ARAP3: variants seen among roughly 807,000 people sequenced by gnomAD.
The protein encoded by ARAP3 is arf-GAP with Rho-GAP domain, ANK repeat and PH domain-containing protein 3.
Under a neutral mutation model 169.2 loss-of-function variants are expected in ARAP3, and 82 were observed. The ratio of observed to expected loss-of-function variants is 0.48; its 90% CI spans 0.41 to 0.58. ARAP3 has a LOEUF of 0.58. ARAP3 is among the 20% of genes least tolerant of loss of function. The pLI is 0.00. For synonymous variants in ARAP3, 791 were observed against 800.3 expected (o/e 0.99, Z 0.20); for missense variants, 1,764 against 2,018.0 (o/e 0.87, Z 2.41).
chr5:141,658,748 T>TTTTTAATGATA, intron 23 of ARAP3, 95 bp from the exon 24 acceptor site: 1 of 1,138,720 alleles, frequency 8.8e-7, no homozygotes, highest in East Asian at 2.6e-5. Flanking sequence ...AAGTGACTCT[T>TTTTTAATGATA]CCAACAAAGG....
At chr5:141,661,937 C>A in intron 20 of ARAP3, 106 bp downstream of exon 20, 1 of 1,525,218 alleles carries the variant, frequency 6.6e-7, no homozygotes, top group South Asian at 1.2e-5. Flanking sequence ...CTGGATGATC[C>A]CCCAGGGTGG....
rs781111494 is a variant in ARAP3 at position 141,662,216 on chromosome 5, C to A, written c.2840G>T (p.Arg947Leu). Residue 947 changes from arginine to leucine, a missense_variant, in exon 20 of 33, where the codon CGT becomes CTT. Physicochemically the swap from Arg to Leu is moderately radical, Grantham distance 102. Around this residue, in one of 3 missense-constraint regions of ARAP3, gnomAD observed 1,112 missense variants for 1,285.7 expected, o/e 0.86. Transcript: ENST00000239440. ...LEGVYRKGGA[R>L]ARSLRLLAEF... ...AGCCAGGAGTCTCAGGCTGCGGGCACGAGCGCCCCCTTTCCGGTATACACC... is the reference window on the plus strand; with the variant it reads ...AGCCAGGAGTCTCAGGCTGCGGGCAAGAGCGCCCCCTTTCCGGTATACACC... 1.9e-6 allele frequency: 3 copies of A among 1,614,176 alleles called. No individual in the cohort carries two copies. Among genetic ancestry groups the A allele is most frequent in the Non-Finnish European group, 2.5e-6 (3 of 1,180,032 alleles).
chr5:141,672,341 T>C lies in ARAP3; in HGVS notation c.1386-40A>G, dbSNP rs746547386. ...GCCAGTCCATGGGCATGGACCTACC[T>C]GCCATGTCCCATCCCCCTGGCTCTT... On this transcript the variant is annotated intron_variant, in intron 9 of 32. Transcript: ENST00000239440. This position sits in a 1 kb window ranked among gnomAD's most constrained non-coding sequence, Gnocchi z 4.9. The C allele has an allele frequency of 6.2e-6, 10 of 1,606,498 alleles. No individual in the cohort carries two copies. The Admixed American group carries it at 1.2e-4, about 19-fold the overall frequency.
At chr5:141,662,392 T>C (rs1382534971) in intron 19 of ARAP3, 137 bp from the exon 20 acceptor site, 9 of 796,916 alleles carry the variant, frequency 1.1e-5, no homozygotes, top group Non-Finnish European at 1.8e-5. Flanking sequence ...TATGCCTCCA[T>C]GTTCTTGATT....
At chr5:141,676,658 A>G (rs985159746) in intron 4 of ARAP3, among the ~76,000 whole-genome samples, 1 of 152,124 alleles carries the variant, frequency 6.6e-6, no homozygotes, top group Non-Finnish European at 1.5e-5. Flanking sequence ...CTCCTATGAC[A>G]TCACATTCTC....
chr5:141,659,913 C>T lies in ARAP3; in HGVS notation c.3133G>A (p.Ala1045Thr), dbSNP rs1455237909. 3 of 1,565,104 alleles carry T rather than the reference C, an allele frequency of 1.9e-6. No individual in the cohort carries two copies. The highest frequency in any genetic ancestry group is 2.6e-6 in the Non-Finnish European group (3 of 1,153,460). ...IGHLYRVQKC[A>T]ALNQMCTRNL... ...CGCGTGCACATCTGGTTTAGAGCCG[C>T]ACATTTCTGCACCCTGCAGAGGGGT... Residue 1045 changes from alanine to threonine, a missense_variant, in exon 22 of 33, where the codon GCG becomes ACG. This residue lies in a region of ARAP3 where 1,112 missense variants were observed against 1,285.7 expected (regional missense o/e 0.86). Coordinates refer to ENST00000239440, the MANE Select transcript of ARAP3 (RefSeq NM_022481.6).
Position 141,673,696 on chromosome 5 carries a change from C to A in ARAP3, c.811G>T (p.Asp271Tyr), listed in dbSNP as rs760092314. Residue 271 changes from aspartate to tyrosine, a missense_variant, in exon 5 of 33, where the codon GAC becomes TAC. Around this residue, in one of 3 missense-constraint regions of ARAP3, gnomAD observed 630 missense variants for 678.7 expected, o/e 0.93. Transcript: ENST00000239440. ...PTLETEETSD[D>Y]LISPYASFSF... ...AAGCTGGCATAGGGTGAAATGAGGT[C>A]ATCACTGGTCTCCTCTGTTTCCAGG... is the stretch of plus-strand genomic sequence containing the variant. 3.7e-5 allele frequency: 60 copies of A among 1,614,100 alleles called. No individual in the cohort carries two copies. In the Middle Eastern group the frequency reaches 6.6e-4, roughly 18 times the overall value.
intron 16 of ARAP3, among the ~76,000 whole-genome samples, chr5:141,667,596 T>A (rs969493727): frequency 2.6e-5 from 4 of 151,026 alleles, no homozygotes; most frequent in African/African-American, 9.7e-5. Context: ...TCTGGCTAAT[T>A]TTTTGTATTT....
chr5:141,655,038 C>T (rs909184566), intron 32 of ARAP3, among the ~76,000 whole-genome samples: 1 of 152,022 alleles, frequency 6.6e-6, no homozygotes, highest in Admixed American at 6.6e-5. Context: ...TGTGCCCGAC[C>T]TTTCTCCTTT....
Position 141,655,729 on chromosome 5 carries a change from T to G in ARAP3, c.4002A>C (p.Arg1334=). ...QHDDQQPVVL[R]RHSSSDLARQ... ...GGGCAAGGTCAGAGGAGGAATGGCG[T>G]CGTAAGACCACTGGCTGCTGGTCAT... is the stretch of plus-strand genomic sequence containing the variant. Residue 1334 remains arginine, a synonymous_variant, in exon 31 of 33, where the codon CGA becomes CGC. Coordinates refer to ENST00000239440, the MANE Select transcript of ARAP3 (RefSeq NM_022481.6). 6.2e-7 allele frequency: 1 copy of G among 1,613,998 alleles called. No homozygotes were observed. Among genetic ancestry groups the G allele is most frequent in the Non-Finnish European group, 8.5e-7 (1 of 1,180,000 alleles).
intron 18 of ARAP3, 36 bp from the exon 19 acceptor site, chr5:141,665,121 G>C (rs200292691): frequency 1.9e-6 from 3 of 1,590,462 alleles, no homozygotes; most frequent in Admixed American, 1.7e-5. Context: ...AGCCAGCTCC[G>C]ACAGGCCCAG....
At position 141,671,341 on chromosome 5, in the gene ARAP3, A is replaced by G; in HGVS notation, c.1914T>C (p.Cys638=). 6.2e-7 allele frequency: 1 copy of G among 1,613,770 alleles called. No individual in the cohort carries two copies. Among genetic ancestry groups the G allele is most frequent in the East Asian group, 2.2e-5 (1 of 44,882 alleles). The change falls in exon 13 of 33, where the codon TGT becomes TGC. Residue 638 remains cysteine, a synonymous_variant. Coordinates refer to ENST00000239440, the MANE Select transcript of ARAP3 (RefSeq NM_022481.6). This position sits in a 1 kb window ranked among gnomAD's most constrained non-coding sequence, Gnocchi z 4.9. ...GCTCCTCGCCTTCAAAGGCCTCAAC[A>G]CAGAGGAGCTGGGTCATGTTCTTCA... ...NLLKNMTQLL[C]VEAFEGEEPW...
At chr5:141,679,857 G>C (rs762706271) in intron 2 of ARAP3, 35 bp from the exon 3 acceptor site, 10 of 1,610,304 alleles carry the variant, frequency 6.2e-6, no homozygotes, top group Non-Finnish European at 8.5e-6. Context: ...CTTAAGGAGA[G>C]AGGAGGAAGA....
chr5:141,678,748 A>G (rs1298343795), intron 4 of ARAP3, among the ~76,000 whole-genome samples: 9 of 151,668 alleles, frequency 5.9e-5, no homozygotes, highest in Non-Finnish European at 1.5e-5. Flanking sequence ...TCAGCCTCCC[A>G]AAGTGCTGGG....
intron 4 of ARAP3, among the ~76,000 whole-genome samples, chr5:141,678,034 G>A (rs1246944501): frequency 5.3e-5 from 8 of 151,036 alleles, no homozygotes; most frequent in East Asian, 1.9e-4. Context: ...TGCAAGCTCC[G>A]CCTCCCGGGT....
At chr5:141,666,363 C>T in intron 17 of ARAP3, 61 bp downstream of exon 17, 1 of 1,379,650 alleles carries the variant, frequency 7.2e-7, no homozygotes, top group Admixed American at 3.2e-5. Context: ...TAATAAAGGT[C>T]TGCTTCCATG....
In ARAP3 at chr5:141,680,292, G is replaced by A. The variant is rs1175788858; in HGVS notation, c.195C>T (p.Gly65=). 1 of 1,614,226 alleles carries A rather than the reference G, an allele frequency of 6.2e-7. No homozygotes were observed. Among genetic ancestry groups the A allele is most frequent in the South Asian group, 1.1e-5 (1 of 91,090 alleles). The change falls in exon 2 of 33, where the codon GGC becomes GGT. Residue 65 remains glycine, a synonymous_variant. Coordinates refer to ENST00000239440, the MANE Select transcript of ARAP3 (RefSeq NM_022481.6). ...RKRILRLLQT[G]TEEGSLDPKS... ...TGGGATCCAGGGAGCCCTCTTCGGT[G>A]CCTGTCTGTAGCAGGCGTAGAATGC...
In ARAP3 at chr5:141,664,965, G is replaced by T; in HGVS notation, c.2757C>A (p.Ile919=). The change falls in exon 19 of 33, where the codon ATC becomes ATA. Residue 919 remains isoleucine (I), a synonymous_variant. Transcript: ENST00000239440. The part of the protein sequence containing the change: ...LQEQQMSRGD[I]PIIVDACISF... Reference sequence around the variant, plus strand: ...TGATGCAGGCATCCACGATGATGGGGATGTCACCCCGGCTCATCTGCTGCT... The same window carrying T: ...TGATGCAGGCATCCACGATGATGGGTATGTCACCCCGGCTCATCTGCTGCT... 7 of 1,613,102 alleles carry T rather than the reference G, an allele frequency of 4.3e-6. No homozygotes were observed. Among genetic ancestry groups the T allele is most frequent in the Non-Finnish European group, 5.9e-6 (7 of 1,179,844 alleles).
Position 141,655,621 on chromosome 5 carries a change from C to G in ARAP3, c.4110G>C (p.Leu1370=), listed in dbSNP as rs753385527. The G allele has an allele frequency of 2.5e-6, 4 of 1,613,970 alleles. No individual in the cohort carries two copies. The highest frequency in any genetic ancestry group is 3.4e-6 in the Non-Finnish European group (4 of 1,179,926). The change falls in exon 31 of 33, where the codon CTG becomes CTC. Residue 1370 remains leucine (L), a splice_region_variant and synonymous_variant. Coordinates refer to ENST00000239440, the MANE Select transcript of ARAP3 (RefSeq NM_022481.6). ...GTTGGGGCAGGGTGGGGTGCCTTAC[C>G]AGGGTCTGATTGGCAGAGAGGAGGG... ...GATLLSANQT[L]RRLHNRRTLS...
Sources: allele counts gnomAD v4.1 joint callset (sites outside exome capture counted in the v4.1 genomes callset), GRCh38; gene constraint gnomAD v4.1.1; regional missense constraint gnomAD v4.1.1; non-coding constraint Gnocchi (gnomAD v3.1); transcripts MANE v1.5; gene names NCBI Gene and HGNC (gene_info 2026-07-23, HGNC 2026-07-21).